The following MICAL1 variants were observed in gnomAD, a reference collection of about 807,000 sequenced individuals.
MICAL1 encodes the protein microtubule associated monooxygenase, calponin and LIM domain containing 1.
In MICAL1, 95 loss-of-function variants were observed where a neutral mutation model predicts 131.8. That is an observed-to-expected ratio of 0.72 (90% CI 0.61 to 0.86). MICAL1 has a LOEUF of 0.86. Ranked by LOEUF, MICAL1 falls within the 40% of genes least tolerant of loss-of-function variation. The pLI, the probability that MICAL1 is intolerant of heterozygous loss-of-function variation, is 0.00. For synonymous variants in MICAL1, 546 were observed against 554.2 expected, an observed-to-expected ratio of 0.99 and a Z score of 0.21; for missense variants, 1,292 against 1,380.6, an observed-to-expected ratio of 0.94 and a Z score of 1.02.
At chr6:109,444,653 C>G (rs2115322220) in intron 24 of MICAL1, 72 bp downstream of exon 24, 2 of 1,543,430 alleles carry the variant, frequency 1.3e-6, no homozygotes, top group East Asian at 2.2e-5. Flanking sequence ...GTTGCTTGGT[C>G]AGTATCTGAG....
In MICAL1 at chr6:109,450,186, C is replaced by T. The variant is rs1269411462; in HGVS notation, c.1192-101G>A. 2.6e-6 allele frequency: 4 copies of T among 1,560,890 alleles called. No individual in the cohort carries two copies. In the African/African-American group the frequency reaches 4.1e-5, roughly 16 times the overall value. The stretch of plus-strand genomic sequence containing the variant: ...GTCACAGCAGAAGGGGCCATCCCCA[C>T]ACCAGGCAGCCCTTAGCTCCTCCCC... On this transcript the variant is annotated intron_variant, in intron 8 of 24. Transcript: ENST00000358807.
Position 109,444,777 on chromosome 6 carries a change from C to T in MICAL1, c.3003G>A (p.Glu1001=). 6.2e-7 allele frequency: 1 copy of T among 1,614,154 alleles called. No individual in the cohort carries two copies. The highest frequency in any genetic ancestry group is 1.1e-5 in the South Asian group (1 of 91,092). ...CCTGGTCCAGCTGCCACTGTTTCTC[C>T]TCCAGATTCAATTCCTGCACCCTGT... ...LMITVQELNL[E]EKQWQLDQEL... is the part of the protein sequence containing the mutation. The change falls in exon 24 of 25, where the codon GAG becomes GAA. Residue 1001 remains glutamate, a synonymous_variant. Coordinates refer to ENST00000358807, the MANE Select transcript of MICAL1 (RefSeq NM_022765.4).
intron 11 of MICAL1, 55 bp from the exon 12 acceptor site, chr6:109,448,934 T>C (rs2115331244): frequency 4.4e-6 from 7 of 1,601,124 alleles, no homozygotes; most frequent in Non-Finnish European, 6.0e-6. Context: ...CCCAGGCATA[T>C]AGGGAGCCCA....
Position 109,454,247 on chromosome 6 carries a change from G to A in MICAL1, c.-43-8C>T. ...CTGGGCAGAGATGAGTGGCTGGAGA[G>A]GTGGAAAAAGAAGGGGAAGAGGCTG... On this transcript the variant is annotated splice_region_variant and splice_polypyrimidine_tract_variant and intron_variant, in intron 1 of 24. Coordinates refer to ENST00000358807, the MANE Select transcript of MICAL1 (RefSeq NM_022765.4). 2 of 1,545,246 alleles carry A rather than the reference G, an allele frequency of 1.3e-6. No homozygotes were observed. Among genetic ancestry groups the A allele is most frequent in the East Asian group, 2.4e-5 (1 of 41,266 alleles).
rs1161619674 is a variant in MICAL1 at position 109,445,768 on chromosome 6, C to CA, written c.2673+2dup. 6.2e-7 allele frequency: 1 copy of CA among 1,609,472 alleles called. No homozygotes were observed. Among genetic ancestry groups the CA allele is most frequent in the African/African-American group, 1.3e-5 (1 of 74,956 alleles). On this transcript the variant is annotated splice_region_variant and intron_variant, in intron 20 of 24. Transcript: ENST00000358807. Reference sequence around the variant, plus strand: ...TTTTGTGGCTGCACGCTGGCCCACTCACCTGTTCCACATCTGAGTCCAAAG... The same window carrying CA: ...TTTTGTGGCTGCACGCTGGCCCACTCAACCTGTTCCACATCTGAGTCCAAAG...
At position 109,455,566 on chromosome 6, in the gene MICAL1, G is replaced by C. The variant is rs13219461; in HGVS notation, c.-44+153C>G. On this transcript the variant is annotated intron_variant, in intron 1 of 24. Transcript: ENST00000358807. This position sits in a 1 kb window ranked among gnomAD's most constrained non-coding sequence, Gnocchi z 4.7. ...TCCCCGACACTGGACGGCAAAGTCC[G>C]GACGCGGCGTGAGCAGGGCTGGGCT... 9.1e-6 allele frequency: 4 copies of C among 438,140 alleles called. No homozygotes were observed. Among genetic ancestry groups the C allele is most frequent in the Non-Finnish European group, 1.2e-5 (4 of 328,958 alleles). 27.1% of individuals were successfully genotyped at this position (438,140 alleles called of 1,614,324 possible). A position where few individuals can be genotyped will look rare whatever the true frequency, so the allele number is the denominator to read the frequency against.
intron 11 of MICAL1, 35 bp downstream of exon 11, chr6:109,449,365 A>AT (rs1161912515): frequency 6.2e-7 from 1 of 1,610,774 alleles, no homozygotes; most frequent in Admixed American, 1.7e-5. Context: ...GGTAGTACAT[A>AT]TTTTGGTCAC....
chr6:109,446,066 T>G, intron 19 of MICAL1, 70 bp downstream of exon 19: 1 of 1,505,992 alleles, frequency 6.6e-7, no homozygotes, highest in South Asian at 1.4e-5. Context: ...TTCCCCAGAA[T>G]TCCTCTGCAG....
intron 6 of MICAL1, chr6:109,451,918 G>A: frequency 3.6e-6 from 5 of 1,387,740 alleles, no homozygotes; most frequent in Non-Finnish European, 4.7e-6. Context: ...GCTTGGAGGG[G>A]GGTGGCATTT....
At chr6:109,464,841 G>A (rs1221053129) in intron 1 of MICAL1, 2 of 152,164 alleles carry the variant, frequency 1.3e-5, no homozygotes, top group African/African-American at 2.4e-5. Context: ...TATTCACTTT[G>A]TGGGATTTAA....
chr6:109,445,994 TGA>T, intron 19 of MICAL1, 132 bp from the exon 20 acceptor site: 1 of 1,484,738 alleles, frequency 6.7e-7, no homozygotes, highest in Non-Finnish European at 8.9e-7. Flanking sequence ...TGGGAGGAAC[TGA>T]GAAGAATGGA....
Position 109,447,738 on chromosome 6 carries a change from A to C in MICAL1, c.1945-16T>G. ...CTGCATTTTCCTGCAATAAGTCCTA[A>C]CAGCTCTAAGTGTGATGTTTTGAGG... On this transcript the variant is annotated splice_polypyrimidine_tract_variant and intron_variant, in intron 14 of 24. Transcript: ENST00000358807. The C allele has an allele frequency of 6.2e-7, 1 of 1,613,954 alleles. No individual in the cohort carries two copies. The highest frequency in any genetic ancestry group is 8.5e-7 in the Non-Finnish European group (1 of 1,179,966).
intron 6 of MICAL1, chr6:109,451,951 G>A (rs1190636651): frequency 5.8e-6 from 8 of 1,387,424 alleles, no homozygotes; most frequent in South Asian, 3.3e-5. Context: ...CCACCTGGTC[G>A]CATGGCAGTG....
chr6:109,465,885 G>C, exon 1 of MICAL1: 2 of 1,614,178 alleles, frequency 1.2e-6, no homozygotes, highest in Non-Finnish European at 1.7e-6. Context: ...CGTTGGCTGG[G>C]GCACGTGGTG....
chr6:109,462,476 T>A (rs1775912283), intron 1 of MICAL1: 1 of 152,248 alleles, frequency 6.6e-6, no homozygotes, highest in South Asian at 2.1e-4. Flanking sequence ...AGACCTGGCT[T>A]GGCTCCTGGA....
chr6:109,447,765 C>A lies in MICAL1; in HGVS notation c.1945-43G>T, dbSNP rs201069184. Reference sequence around the variant, plus strand: ...AGCTCTAAGTGTGATGTTTTGAGGTCCCAGTCCTCCCCACTTTCTGAATGT... The same window carrying A: ...AGCTCTAAGTGTGATGTTTTGAGGTACCAGTCCTCCCCACTTTCTGAATGT... On this transcript the variant is annotated intron_variant, in intron 14 of 24. Transcript: ENST00000358807. 3.2e-5 allele frequency: 51 copies of A among 1,613,598 alleles called. 1 individual carries two copies. The African/African-American group carries it at 4.4e-4, about 14-fold the overall frequency.
In MICAL1 at chr6:109,446,332, A is replaced by T. The variant is rs1450490184; in HGVS notation, c.2385T>A (p.Val795=). The T allele has an allele frequency of 1.2e-6, 2 of 1,608,736 alleles. No homozygotes were observed. Among genetic ancestry groups the T allele is most frequent in the South Asian group, 2.2e-5 (2 of 90,338 alleles). The change falls in exon 19 of 25, where the codon GTT becomes GTA. Residue 795 remains valine, a synonymous_variant. Transcript: ENST00000358807. ...PTASQEGAGP[V]PDPSQPTRRQ... ...GACGGGTGGGCTGGCTGGGATCTGG[A>T]ACAGGACCGGCCCCCTCCTGCGAGG...
intron 3 of MICAL1, 52 bp downstream of exon 3, chr6:109,453,586 T>G: frequency 6.5e-7 from 1 of 1,542,770 alleles, no homozygotes; most frequent in Non-Finnish European, 8.8e-7. Context: ...CCCACTGGCC[T>G]GCCTCTAGGC....
At chr6:109,451,737 C>T (rs1404882181) in intron 6 of MICAL1, 37 bp from the exon 7 acceptor site, 2 of 1,610,484 alleles carry the variant, frequency 1.2e-6, no homozygotes, top group Non-Finnish European at 1.7e-6. Flanking sequence ...GATATGTCTC[C>T]TGATAATGCA....
Sources: allele counts gnomAD v4.1 joint callset, GRCh38; gene constraint gnomAD v4.1.1; non-coding constraint Gnocchi (gnomAD v3.1); transcripts MANE v1.5; gene names NCBI Gene and HGNC (gene_info 2026-07-23, HGNC 2026-07-21).